DNMT3A: variants seen among roughly 807,000 people sequenced by gnomAD.
DNMT3A encodes DNA (cytosine-5)-methyltransferase 3A.
DNMT3A carries 267 observed loss-of-function variants against 117.6 expected under a neutral mutation model. The observed-to-expected ratio is 2.27, with a 90% CI of 2.05 to 2.51. DNMT3A has a LOEUF of 2.51. Ranked by LOEUF, DNMT3A falls within the 30% of genes most tolerant of loss-of-function variation. DNMT3A has a pLI of 0.00. For synonymous variants in DNMT3A, 432 were observed against 474.8 expected (o/e 0.91, Z 1.17); for missense variants, 1,029 against 1,260.2 (o/e 0.82, Z 2.78).
intron 6 of DNMT3A, among the ~76,000 whole-genome samples, chr2:25,271,764 C>A (rs899217497): frequency 6.6e-6 from 1 of 152,192 alleles, no homozygotes; most frequent in Admixed American, 6.5e-5. Context: ...CTCCACATTG[C>A]AAGTCAAGTG....
At chr2:25,307,247 G>A (rs963807165) in intron 2 of DNMT3A, among the ~76,000 whole-genome samples, 15 of 152,358 alleles carry the variant, frequency 9.8e-5, no homozygotes, top group Non-Finnish European at 5.9e-5. Context: ...GTATGACCAG[G>A]ACTCCTGTGC....
chr2:25,245,928 T>G, intron 12 of DNMT3A, 92 bp downstream of exon 12: 1 of 1,514,964 alleles, frequency 6.6e-7, no homozygotes, highest in Non-Finnish European at 9.2e-7. Context: ...ACGTGGCCCC[T>G]GGTCCCATGT....
intron 19 of DNMT3A, among the ~76,000 whole-genome samples, chr2:25,239,720 C>G (rs114859290): frequency 6.6e-5 from 10 of 152,140 alleles, no homozygotes; most frequent in African/African-American, 2.4e-4. Context: ...AGTCAGAACA[C>G]CAGCTCACAG....
chr2:25,295,207 G>A (rs1407479597), intron 3 of DNMT3A, among the ~76,000 whole-genome samples: 1 of 152,138 alleles, frequency 6.6e-6, no homozygotes, highest in Non-Finnish European at 1.5e-5. Flanking sequence ...CTTAGAGGCT[G>A]CCCCTTCCTC....
intron 6 of DNMT3A, among the ~76,000 whole-genome samples, chr2:25,263,326 T>A (rs948937228): frequency 2.0e-5 from 3 of 152,234 alleles, no homozygotes; most frequent in African/African-American, 7.2e-5. Context: ...TGCTTCATGT[T>A]GGGCTCTTTA....
intron 3 of DNMT3A, among the ~76,000 whole-genome samples, chr2:25,297,994 C>T (rs1363682644): frequency 1.3e-5 from 2 of 152,264 alleles, no homozygotes; most frequent in East Asian, 3.8e-4. Context: ...CTACGGTTGC[C>T]GTGGCCTCCT....
At chr2:25,268,125 G>T (rs914321859) in intron 6 of DNMT3A, among the ~76,000 whole-genome samples, 17 of 152,166 alleles carry the variant, frequency 1.1e-4, no homozygotes, top group African/African-American at 4.1e-4. Flanking sequence ...AGTGTGGCGA[G>T]GGAAGGGAGG....
chr2:25,244,061 G>A, intron 15 of DNMT3A, 79 bp from the exon 16 acceptor site: 1 of 1,582,218 alleles, frequency 6.3e-7, no homozygotes, highest in Admixed American at 1.8e-5. Context: ...CTCCAGCCAG[G>A]CTCCTAGACC....
At chr2:25,265,947 G>C (rs1309352494) in intron 6 of DNMT3A, among the ~76,000 whole-genome samples, 1 of 152,200 alleles carries the variant, frequency 6.6e-6, no homozygotes, top group African/African-American at 2.4e-5. Context: ...CCTGGTTCAG[G>C]CTTTGCTGTG....
At chr2:25,302,678 C>T (rs1236632955) in intron 2 of DNMT3A, among the ~76,000 whole-genome samples, 1 of 152,206 alleles carries the variant, frequency 6.6e-6, no homozygotes, top group Non-Finnish European at 1.5e-5. Context: ...CTTCTGAAGA[C>T]CCCAGACCCC....
At chr2:25,253,120 G>T (rs779447091) in intron 6 of DNMT3A, among the ~76,000 whole-genome samples, 4 of 152,130 alleles carry the variant, frequency 2.6e-5, no homozygotes. Flanking sequence ...AGATCGAGAA[G>T]ACCTGACTCC....
chr2:25,247,099 C>A lies in DNMT3A; in HGVS notation c.1074G>T (p.Thr358=), dbSNP rs200905691. The A allele has an allele frequency of 6.2e-7, 1 of 1,614,100 alleles. No homozygotes were observed. Among genetic ancestry groups the A allele is most frequent in the Admixed American group, 1.7e-5 (1 of 60,006 alleles). Residue 358 remains threonine (T), a synonymous_variant, in exon 9 of 23, where the codon ACG becomes ACT. Coordinates refer to ENST00000321117, the MANE Select transcript of DNMT3A (RefSeq NM_022552.5). The surrounding 1 kb of genome is among the most constrained non-coding windows in gnomAD (Gnocchi z 5.6). ...SSFCSAFHQA[T]YNKQPMYRKA... is the part of the protein sequence containing the mutation. ...TGCGGTACATGGGCTGCTTGTTGTA[C>A]GTGGCCTGGTGGAACGCACTGCAAA...
At chr2:25,275,422 C>T in intron 5 of DNMT3A, 78 bp downstream of exon 5, 1 of 1,485,058 alleles carries the variant, frequency 6.7e-7, no homozygotes. Context: ...CCACCCTCCG[C>T]CCCCTCACAC....
intron 9 of DNMT3A, 122 bp downstream of exon 9, chr2:25,246,929 G>A: frequency 6.8e-7 from 1 of 1,473,730 alleles, no homozygotes; most frequent in Non-Finnish European, 9.2e-7. Flanking sequence ...GGCGAGCGAG[G>A]TGGAGAGAAA....
intron 5 of DNMT3A, 60 bp downstream of exon 5, chr2:25,275,440 C>T: frequency 6.4e-7 from 1 of 1,571,024 alleles, no homozygotes; most frequent in Non-Finnish European, 8.6e-7. Context: ...CACACACTCG[C>T]CACCCGTGTC....
chr2:25,246,721 CT>C lies in DNMT3A; in HGVS notation c.1177del (p.Ser393ValfsTer14). ...CACCTCCACGGCCTTGGCAGTGTCACTCTCATCGCTGTCGTGGCACACCGGG... is the reference window on the plus strand; with the variant it reads ...CACCTCCACGGCCTTGGCAGTGTCACCTCATCGCTGTCGTGGCACACCGGG... ...LFPVCHDSDE[S>X]DTAKAVEVQN... On this transcript the variant is annotated frameshift_variant, in exon 10 of 23. Coordinates refer to ENST00000321117, the MANE Select transcript of DNMT3A (RefSeq NM_022552.5). LOFTEE classifies it high-confidence loss of function. 6.2e-7 allele frequency: 1 copy of C among 1,613,934 alleles called. No individual in the cohort carries two copies. The highest frequency in any genetic ancestry group is 8.5e-7 in the Non-Finnish European group (1 of 1,180,036).
chr2:25,306,590 C>T lies in DNMT3A; in HGVS notation c.73-6347G>A, dbSNP rs533868037. On this transcript the variant is annotated intron_variant, in intron 2 of 22. Transcript: ENST00000321117. The surrounding 1 kb of genome is among the most constrained non-coding windows in gnomAD (Gnocchi z 4.1). The stretch of plus-strand genomic sequence containing the variant: ...GGTGCCCATCTGGTTCCCAGGCCCT[C>T]GTGCCAGGGCTGCAGCCCCTTGTCC... Among the ~76,000 whole-genome samples the T allele has an allele frequency of 2.5e-4, 38 of 152,258 alleles. No individual in the cohort carries two copies. The highest frequency in any genetic ancestry group is 9.1e-4 in the African/African-American group (38 of 41,560).
At chr2:25,238,786 A>G (rs77987797) in intron 20 of DNMT3A, among the ~76,000 whole-genome samples, 1,889 of 152,252 alleles carry the variant, frequency 0.012, 48 homozygotes, top group African/African-American at 0.043. Flanking sequence ...GCCATGCCCC[A>G]TGGCTTTGCC....
At chr2:25,279,979 C>T (rs765959643) in intron 4 of DNMT3A, among the ~76,000 whole-genome samples, 1 of 152,194 alleles carries the variant, frequency 6.6e-6, no homozygotes. Flanking sequence ...GCATGAGCCA[C>T]TGTGCCCAGC....
Sources: gnomAD v4.1 joint callset for allele counts (sites outside exome capture counted in the v4.1 genomes callset) on GRCh38, gnomAD v4.1.1 for gene constraint, Gnocchi (gnomAD v3.1) non-coding constraint, MANE v1.5 for transcripts, NCBI Gene and HGNC (gene_info 2026-07-23, HGNC 2026-07-21) for gene names.